DPH6: variants seen among roughly 807,000 people sequenced by gnomAD.
The protein encoded by DPH6 is diphthine--ammonia ligase.
Under a neutral mutation model 38.2 loss-of-function variants are expected in DPH6, and 33 were observed. That is an observed-to-expected ratio of 0.86 (90% CI 0.65 to 1.15). The LOEUF (loss-of-function observed/expected upper bound fraction) is 1.15. DPH6 is among the 50% of genes most tolerant of loss of function. The probability of loss-of-function intolerance (pLI) is 0.00; values close to 1 mark genes in which losing one functional copy is unlikely to be tolerated. For synonymous variants in DPH6, 108 were observed against 103.0 expected, an observed-to-expected ratio of 1.05 and a Z score of -0.30; for missense variants, 325 against 320.0, an observed-to-expected ratio of 1.02 and a Z score of -0.12.
At chr15:35,365,853 A>G (rs1274425366) in intron 3 of DPH6, 1 of 985,160 alleles carries the variant, frequency 1.0e-6, no homozygotes, top group African/African-American at 1.7e-5. Context: ...GTGACCCAGC[A>G]GTACCTACAG....
intron 3 of DPH6, among the ~76,000 whole-genome samples, chr15:35,270,157 T>A (rs753452265): frequency 6.6e-6 from 1 of 152,190 alleles, no homozygotes; most frequent in Non-Finnish European, 1.5e-5. Flanking sequence ...TGCAATCCAC[T>A]GAGTTGAACT....
chr15:35,192,815 A>G, the DPH6 span, among the ~76,000 whole-genome samples: 2 of 152,200 alleles, frequency 1.3e-5, no homozygotes, highest in Admixed American at 1.3e-4. Context: ...ATTTATTTCT[A>G]CTACATTTAT....
intron 2 of DPH6, among the ~76,000 whole-genome samples, chr15:35,541,625 T>C (rs2055254510): frequency 1.3e-5 from 2 of 151,984 alleles, no homozygotes; most frequent in African/African-American, 4.8e-5. Context: ...AAAGAGAGAA[T>C]AAAAAGATCT....
chr15:35,426,045 CT>C (rs2053566868), intron 5 of DPH6, among the ~76,000 whole-genome samples: 1 of 150,864 alleles, frequency 6.6e-6, no homozygotes, highest in Non-Finnish European at 1.5e-5. Flanking sequence ...TGTGTGACTA[CT>C]GGTATTTGTA....
intron 3 of DPH6, among the ~76,000 whole-genome samples, chr15:35,504,912 G>A (rs1036466463): frequency 3.3e-5 from 5 of 151,990 alleles, no homozygotes; most frequent in East Asian, 1.9e-4. Flanking sequence ...AAAAAGGTCC[G>A]AAATATTAGG....
At chr15:35,312,549 T>A (rs914491535) in intron 3 of DPH6, among the ~76,000 whole-genome samples, 1 of 152,096 alleles carries the variant, frequency 6.6e-6, no homozygotes, top group Non-Finnish European at 1.5e-5. Context: ...AACAGATTCA[T>A]GGAGAGAAGT....
At chr15:35,166,778 C>G in the DPH6 span, among the ~76,000 whole-genome samples, 1 of 151,900 alleles carries the variant, frequency 6.6e-6, no homozygotes, top group Non-Finnish European at 1.5e-5. Context: ...ATGCAGAATT[C>G]TTTCCAAAGG....
intron 3 of DPH6, among the ~76,000 whole-genome samples, chr15:35,488,970 C>T (rs1234425467): frequency 6.8e-6 from 1 of 148,004 alleles, no homozygotes; most frequent in African/African-American, 2.6e-5. Flanking sequence ...GTAGTAAATA[C>T]ATTTTTGCCA....
chr15:35,307,661 T>G (rs958834115), intron 3 of DPH6, among the ~76,000 whole-genome samples: 1 of 152,168 alleles, frequency 6.6e-6, no homozygotes, highest in African/African-American at 2.4e-5. Flanking sequence ...TATTGTAGTA[T>G]ATAGGAGTAA....
intron 3 of DPH6, chr15:35,298,781 G>A (rs1595466632): frequency 2.4e-6 from 3 of 1,275,224 alleles, no homozygotes; most frequent in East Asian, 2.3e-5. Flanking sequence ...GCGCTGGGCC[G>A]GGTTGGAGAT....
At chr15:35,460,548 A>G (rs540929880) in intron 3 of DPH6, among the ~76,000 whole-genome samples, 2 of 152,334 alleles carry the variant, frequency 1.3e-5, no homozygotes, top group Admixed American at 6.5e-5. Context: ...CAGGAAATAA[A>G]GTCAGCAGTA....
At chr15:35,198,139 T>TG in the DPH6 span, among the ~76,000 whole-genome samples, 1 of 151,548 alleles carries the variant, frequency 6.6e-6, no homozygotes, top group Non-Finnish European at 1.5e-5. Context: ...CTCTAGTTGT[T>TG]TTTTTTTTCT....
chr15:35,351,339 GT>G (rs988621028), intron 3 of DPH6, among the ~76,000 whole-genome samples: 2 of 151,862 alleles, frequency 1.3e-5, no homozygotes, highest in South Asian at 2.1e-4. Context: ...GGATTGTGTT[GT>G]TTTTTTATTT....
intron 3 of DPH6, among the ~76,000 whole-genome samples, chr15:35,531,614 C>T (rs2055088355): frequency 6.6e-6 from 1 of 152,078 alleles, no homozygotes; most frequent in South Asian, 2.1e-4. Context: ...GCTGGGATTA[C>T]AGGCACGCAC....
At chr15:35,400,487 C>T (rs2053202293) in intron 6 of DPH6, among the ~76,000 whole-genome samples, 1 of 152,090 alleles carries the variant, frequency 6.6e-6, no homozygotes, top group African/African-American at 2.4e-5. Context: ...AGCAGTGAAT[C>T]ATGAAGTAGT....
chr15:35,388,170 C>T (rs1173174412), intron 6 of DPH6, among the ~76,000 whole-genome samples: 4 of 152,128 alleles, frequency 2.6e-5, no homozygotes, highest in African/African-American at 2.4e-5. Flanking sequence ...GTTGAACCAG[C>T]CTTGCATCCC....
chr15:35,453,101 A>G (rs1232936466), intron 4 of DPH6, among the ~76,000 whole-genome samples: 2 of 152,242 alleles, frequency 1.3e-5, no homozygotes, highest in African/African-American at 4.8e-5. Flanking sequence ...AGGCTAATTC[A>G]AAATTGAGTT....
chr15:35,371,912 G>T lies in DPH6; in HGVS notation c.*238C>A, dbSNP rs2052717197. ...AAAAGAAAAAAAAGGTCATAGGGAAGATGTGTTAACGAAAGAGAAAGAGTG... is the reference window on the plus strand; with the variant it reads ...AAAAGAAAAAAAAGGTCATAGGGAATATGTGTTAACGAAAGAGAAAGAGTG... On this transcript the variant is annotated 3_prime_UTR_variant, in exon 9 of 9. Transcript: ENST00000256538. The T allele has an allele frequency of 8.2e-7, 1 of 1,212,454 alleles. No homozygotes were observed. Among genetic ancestry groups the T allele is most frequent in the African/African-American group, 1.6e-5 (1 of 62,530 alleles). The allele number at this position is 1,212,454 out of a possible 1,614,324, so 75.1% of individuals were successfully genotyped here.
the DPH6 span, chr15:35,181,920 T>C: frequency 1.3e-5 from 2 of 152,288 alleles, no homozygotes; most frequent in Middle Eastern, 3.4e-3. Flanking sequence ...TACCTTTGTT[T>C]AATGATATTT....
Sources: gnomAD v4.1 joint callset for allele counts (sites outside exome capture counted in the v4.1 genomes callset) on GRCh38, gnomAD v4.1.1 for gene constraint, MANE v1.5 for transcripts, NCBI Gene and HGNC (gene_info 2026-07-23, HGNC 2026-07-21) for gene names.